The following FAM120C variants were observed in gnomAD, a reference collection of about 807,000 sequenced individuals.
FAM120C encodes the protein constitutive coactivator of PPAR-gamma-like protein 2.
A neutral mutation model predicts 71.2 loss-of-function variants in FAM120C; 14 were observed. That is an observed-to-expected ratio of 0.20 (90% CI 0.13 to 0.31). The LOEUF is 0.31. FAM120C is among the 10% of genes least tolerant of loss of function. The pLI is 1.00. For missense variants in FAM120C, 500 were observed against 879.0 expected (o/e 0.57, Z 5.45); for synonymous variants, 354 against 353.2 (o/e 1.00, Z -0.03).
At chrX:54,079,521 G>A (rs1408109870) in intron 15 of FAM120C, among the ~76,000 whole-genome samples, 6 of 112,017 alleles carry the variant, frequency 5.4e-5, no homozygotes, top group Non-Finnish European at 1.1e-4. Flanking sequence ...TAAGCAGGCC[G>A]GTTGCGGTGG....
At chrX:54,161,785 C>T (rs965765077) in intron 1 of FAM120C, among the ~76,000 whole-genome samples, 2 of 112,083 alleles carry the variant, frequency 1.8e-5, no homozygotes, top group African/African-American at 6.5e-5. Flanking sequence ...GCGCATGCCA[C>T]CACACCTGGC....
intron 4 of FAM120C, 46 bp from the exon 5 acceptor site, chrX:54,136,636 G>GT (rs782332618): frequency 8.7e-5 from 77 of 882,626 alleles, no homozygotes; most frequent in Non-Finnish European, 1.1e-4. Flanking sequence ...ACATGAGAGT[G>GT]TTTTTTTAAT....
chrX:54,178,902 A>C (rs2067332915), intron 1 of FAM120C, among the ~76,000 whole-genome samples: 1 of 112,120 alleles, frequency 8.9e-6, no homozygotes. Context: ...ATTTTATGTA[A>C]TCATAATCAT....
At chrX:54,131,517 C>T (rs1557129311) in intron 9 of FAM120C, among the ~76,000 whole-genome samples, 1 of 109,700 alleles carries the variant, frequency 9.1e-6, no homozygotes, top group Non-Finnish European at 1.9e-5. Context: ...CGGCTCACCG[C>T]AACCTCCGCC....
chrX:54,174,992 A>G (rs193089823), intron 1 of FAM120C, among the ~76,000 whole-genome samples: 7 of 111,148 alleles, frequency 6.3e-5, no homozygotes, highest in South Asian at 3.9e-4. Flanking sequence ...GACTTATACC[A>G]TAAGTATTTT....
At chrX:54,160,731 A>C (rs1360721545) in intron 1 of FAM120C, among the ~76,000 whole-genome samples, 1 of 111,508 alleles carries the variant, frequency 9.0e-6, no homozygotes, top group Non-Finnish European at 1.9e-5. Flanking sequence ...TACTATGTGC[A>C]TTAACTCATT....
chrX:54,119,725 T>C lies in FAM120C; in HGVS notation c.2063-2931A>G, dbSNP rs1219346533. Among the ~76,000 whole-genome samples the C allele has an allele frequency of 8.9e-5, 4 of 45,103 alleles. No homozygotes were observed. The East Asian group carries it at 3.9e-3, about 44-fold the overall frequency. The allele number at this position is 45,103 out of a possible 115,157, so 39.2% of individuals were successfully genotyped here. On this transcript the variant is annotated intron_variant, in intron 9 of 15. Coordinates refer to ENST00000375180, the MANE Select transcript of FAM120C (RefSeq NM_017848.6). Reference sequence around the variant, plus strand: ...GCAGAAGCTCTTTAGTTTAATTAGATCCCATTTGTCAATTTTGTCTTTTGT... The same window carrying C: ...GCAGAAGCTCTTTAGTTTAATTAGACCCCATTTGTCAATTTTGTCTTTTGT...
chrX:54,131,710 T>A (rs1263922391), intron 9 of FAM120C, among the ~76,000 whole-genome samples: 3 of 111,282 alleles, frequency 2.7e-5, no homozygotes, highest in African/African-American at 9.8e-5. Flanking sequence ...AGTGCTGGGA[T>A]TACAGGCATG....
chrX:54,146,077 T>C (rs1301402075), intron 4 of FAM120C, among the ~76,000 whole-genome samples: 2 of 109,986 alleles, frequency 1.8e-5, no homozygotes, highest in Non-Finnish European at 1.9e-5. Flanking sequence ...ATACACCACA[T>C]GTTCTCACTA....
At position 54,149,149 on chromosome X, in the gene FAM120C, AG is replaced by A. The variant is rs2067172121; in HGVS notation, c.1158+2095del. 2.7e-5 allele frequency among the ~76,000 whole-genome samples: 3 copies of A among 112,410 alleles called. No homozygotes were observed. In the South Asian group the frequency reaches 1.1e-3, roughly 41 times the overall value. ...AAACCTGTACACAAATGTTTATAGCAGCTCTATTCATAACACCATAAATCGA... is the reference window on the plus strand; with the variant it reads ...AAACCTGTACACAAATGTTTATAGCACTCTATTCATAACACCATAAATCGA... On this transcript the variant is annotated intron_variant, in intron 4 of 15. Transcript: ENST00000375180.
intron 2 of FAM120C, 27 bp downstream of exon 2, chrX:54,159,343 C>T: frequency 8.3e-7 from 1 of 1,209,848 alleles, no homozygotes; most frequent in Non-Finnish European, 1.1e-6. Flanking sequence ...CTACCAATCA[C>T]TGCAGTCTTT....
At chrX:54,165,988 T>G (rs782358926) in intron 1 of FAM120C, among the ~76,000 whole-genome samples, 2 of 109,875 alleles carry the variant, frequency 1.8e-5, no homozygotes, top group South Asian at 7.8e-4. Flanking sequence ...CATTTCTGCT[T>G]GGGAAAAACC....
intron 4 of FAM120C, among the ~76,000 whole-genome samples, chrX:54,142,852 C>T (rs977928828): frequency 1.8e-5 from 2 of 111,687 alleles, no homozygotes; most frequent in South Asian, 3.8e-4. Flanking sequence ...AGGGGCCGAC[C>T]GACACCTCAT....
intron 10 of FAM120C, among the ~76,000 whole-genome samples, chrX:54,113,903 C>T (rs782756752): frequency 1.8e-5 from 2 of 109,896 alleles, no homozygotes; most frequent in Non-Finnish European, 1.9e-5. Flanking sequence ...GCAACAAGAG[C>T]GAAACTCCAT....
intron 12 of FAM120C, among the ~76,000 whole-genome samples, chrX:54,086,133 G>C (rs1215677571): frequency 9.0e-6 from 1 of 111,448 alleles, no homozygotes; most frequent in Non-Finnish European, 1.9e-5. Flanking sequence ...CATCATATGA[G>C]TTCTGACTCA....
intron 10 of FAM120C, among the ~76,000 whole-genome samples, chrX:54,114,219 TGCAC>T: frequency 9.1e-6 from 1 of 110,457 alleles, no homozygotes. Context: ...AAATAATGTG[TGCAC>T]ATGGACGTAG....
At chrX:54,084,457 C>T (rs1394655440) in intron 13 of FAM120C, among the ~76,000 whole-genome samples, 1 of 112,121 alleles carries the variant, frequency 8.9e-6, no homozygotes, top group East Asian at 2.8e-4. Context: ...AGATAACAAA[C>T]ACCTTCAACC....
At chrX:54,151,814 A>G (rs1339777731) in intron 3 of FAM120C, among the ~76,000 whole-genome samples, 1 of 111,518 alleles carries the variant, frequency 9.0e-6, no homozygotes, top group African/African-American at 3.3e-5. Flanking sequence ...TGTCAGGAGT[A>G]ATAATGGCAT....
chrX:54,108,760 G>C (rs1346191343), intron 10 of FAM120C, among the ~76,000 whole-genome samples: 9 of 109,815 alleles, frequency 8.2e-5, no homozygotes. Flanking sequence ...GTGAAACCCG[G>C]TCTCTACAAA....
Sources: gnomAD v4.1 joint callset for allele counts (sites outside exome capture counted in the v4.1 genomes callset) on GRCh38, gnomAD v4.1.1 for gene constraint, MANE v1.5 for transcripts, NCBI Gene and HGNC (gene_info 2026-07-23, HGNC 2026-07-21) for gene names.